The following PINX1 variants were observed in gnomAD, a reference collection of about 807,000 sequenced individuals.
The protein encoded by PINX1 is PIN2 (TERF1) interacting telomerase inhibitor 1, also known as PIN2/TERF1-interacting telomerase inhibitor 1.
A neutral mutation model predicts 25.4 loss-of-function variants in PINX1; 34 were observed. That is an observed-to-expected ratio of 1.34 (90% CI 1.02 to 1.78). The LOEUF is 1.78. Among genes scored for constraint, PINX1 ranks in the 40% most tolerant of loss-of-function variants. The pLI is 0.00. For missense variants in PINX1, 592 were observed against 404.9 expected (o/e 1.46, Z -3.97); for synonymous variants, 197 against 147.7 (o/e 1.33, Z -2.42).
chr8:10,769,368 C>T (rs17152342), intron 6 of PINX1, among the ~76,000 whole-genome samples: 1 of 152,190 alleles, frequency 6.6e-6, no homozygotes, highest in South Asian at 2.1e-4. Context: ...GAGTGCATCA[C>T]ATGTGTCAAA....
chr8:10,781,281 C>A (rs889115945), intron 6 of PINX1, among the ~76,000 whole-genome samples: 6 of 152,166 alleles, frequency 3.9e-5, no homozygotes, highest in Non-Finnish European at 8.8e-5. Flanking sequence ...TTCCTTGACA[C>A]TGCTTTTGGC....
intron 6 of PINX1, among the ~76,000 whole-genome samples, chr8:10,784,838 A>G (rs1417508036): frequency 6.6e-6 from 1 of 152,202 alleles, no homozygotes; most frequent in Admixed American, 6.5e-5. Flanking sequence ...TTGATGCAGA[A>G]AAGATAAACT....
intron 6 of PINX1, among the ~76,000 whole-genome samples, chr8:10,803,313 A>G (rs1382526241): frequency 6.6e-6 from 1 of 152,236 alleles, no homozygotes; most frequent in African/African-American, 2.4e-5. Context: ...CCATTAGCAC[A>G]TCTAATCAAA....
At chr8:10,769,654 A>C (rs1001917151) in intron 6 of PINX1, among the ~76,000 whole-genome samples, 1 of 152,206 alleles carries the variant, frequency 6.6e-6, no homozygotes, top group South Asian at 2.1e-4. Context: ...CTCTTGCTGC[A>C]ACCTGAGGAG....
chr8:10,776,349 TGAGAAGCG>T (rs928611777), intron 6 of PINX1, among the ~76,000 whole-genome samples: 12 of 151,906 alleles, frequency 7.9e-5, no homozygotes, highest in African/African-American at 2.9e-4. Context: ...CTCCTGAACC[TGAGAAGCG>T]GAGGTTGCAG....
At chr8:10,773,507 C>A (rs1022141354) in intron 6 of PINX1, among the ~76,000 whole-genome samples, 1 of 152,204 alleles carries the variant, frequency 6.6e-6, no homozygotes, top group Admixed American at 6.5e-5. Context: ...TTGGAAGTTA[C>A]AAACTCAGAC....
chr8:10,781,686 A>G lies in PINX1; in HGVS notation c.472-15770T>C, dbSNP rs1442663602. 2.6e-5 allele frequency among the ~76,000 whole-genome samples: 4 copies of G among 152,356 alleles called. 1 individual carries two copies. Among genetic ancestry groups the G allele is most frequent in the Middle Eastern group, 6.8e-3 (2 of 294 alleles). ...GTTATTATCAAAAAGATAAGAGATA[A>G]TAAGTGTTGGCAAGAGTGTGGAGAA... On this transcript the variant is annotated intron_variant, in intron 6 of 6. Coordinates refer to ENST00000314787, the MANE Select transcript of PINX1 (RefSeq NM_017884.6).
chr8:10,822,736 G>C (rs1797916824), intron 5 of PINX1, among the ~76,000 whole-genome samples: 1 of 152,132 alleles, frequency 6.6e-6, no homozygotes, highest in South Asian at 2.1e-4. Flanking sequence ...TTTGGAAACA[G>C]TTTAGCAATA....
At chr8:10,819,731 G>A (rs905378997) in intron 6 of PINX1, among the ~76,000 whole-genome samples, 2 of 152,208 alleles carry the variant, frequency 1.3e-5, no homozygotes, top group African/African-American at 4.8e-5. Flanking sequence ...TATAGATGGT[G>A]CTGATCTAGC....
intron 4 of PINX1, among the ~76,000 whole-genome samples, chr8:10,828,320 G>C (rs1284100451): frequency 6.6e-6 from 1 of 152,180 alleles, no homozygotes; most frequent in African/African-American, 2.4e-5. Flanking sequence ...AAATCACAGA[G>C]GAAGTTATCA....
intron 5 of PINX1, 61 bp from the exon 6 acceptor site, chr8:10,820,330 C>A: frequency 8.6e-7 from 1 of 1,156,478 alleles, no homozygotes; most frequent in Non-Finnish European, 1.3e-6. Flanking sequence ...AGAGCGCAGA[C>A]ATGAACTATG....
chr8:10,794,737 A>C (rs1275389159), intron 6 of PINX1, among the ~76,000 whole-genome samples: 1 of 152,154 alleles, frequency 6.6e-6, no homozygotes, highest in Admixed American at 6.5e-5. Flanking sequence ...TGCTGTTACT[A>C]CTTTTAAATG....
intron 3 of PINX1, among the ~76,000 whole-genome samples, chr8:10,832,376 T>A (rs1267915802): frequency 6.6e-6 from 1 of 152,244 alleles, no homozygotes; most frequent in African/African-American, 2.4e-5. Context: ...CTTACTCACA[T>A]TCTTAGCAAT....
chr8:10,821,833 T>C (rs924621692), intron 5 of PINX1: 4 of 152,256 alleles, frequency 2.6e-5, no homozygotes, highest in African/African-American at 9.6e-5. Flanking sequence ...AGGTCTCTTC[T>C]ATAGCAATTT....
At chr8:10,833,199 T>C (rs1034875828) in intron 2 of PINX1, among the ~76,000 whole-genome samples, 2 of 152,122 alleles carry the variant, frequency 1.3e-5, no homozygotes, top group Non-Finnish European at 2.9e-5. Flanking sequence ...AAAGATCAAG[T>C]GCAAAGACCC....
At chr8:10,831,840 T>C (rs547151746) in intron 3 of PINX1, 97 bp from the exon 4 acceptor site, 6 of 684,068 alleles carry the variant, frequency 8.8e-6, no homozygotes, top group African/African-American at 3.5e-5. Context: ...CAGTGGTTAA[T>C]TAAGAAATTT....
chr8:10,819,607 G>C (rs1446024441), intron 6 of PINX1, among the ~76,000 whole-genome samples: 1 of 152,196 alleles, frequency 6.6e-6, no homozygotes, highest in Non-Finnish European at 1.5e-5. Flanking sequence ...TTAATAATTA[G>C]AATAAATTAT....
rs1314983397 is a variant in PINX1 at position 10,765,689 on chromosome 8, C to G, written c.699G>C (p.Lys233Asn). 6.2e-7 allele frequency: 1 copy of G among 1,614,058 alleles called. No individual in the cohort carries two copies. Among genetic ancestry groups the G allele is most frequent in the Admixed American group, 1.7e-5 (1 of 60,034 alleles). ...DVESYLQPKA[K>N]RHTEGKPERA... ...TCTCGGGCTTTCCCTCCGTGTGCCT[C>G]TTGGCCTTAGGCTGGAGGTAACTTT... is the stretch of plus-strand genomic sequence containing the variant. Residue 233 changes from lysine to asparagine, a missense_variant, in exon 7 of 7, where the codon AAG (lysine) becomes AAC (asparagine). Coordinates refer to ENST00000314787, the MANE Select transcript of PINX1 (RefSeq NM_017884.6).
At chr8:10,799,600 A>C (rs1037643639) in intron 6 of PINX1, among the ~76,000 whole-genome samples, 13 of 152,236 alleles carry the variant, frequency 8.5e-5, no homozygotes, top group African/African-American at 3.1e-4. Context: ...GCATTCGGGC[A>C]AAAGTGGAGC....
Sources: allele counts gnomAD v4.1 joint callset (sites outside exome capture counted in the v4.1 genomes callset), GRCh38; gene constraint gnomAD v4.1.1; transcripts MANE v1.5; gene names NCBI Gene and HGNC (gene_info 2026-07-23, HGNC 2026-07-21).